The following ZKSCAN3 variants were observed in gnomAD, a reference collection of about 807,000 sequenced individuals.
The protein encoded by ZKSCAN3 is zinc finger with KRAB and SCAN domains 3.
In ZKSCAN3, 21 loss-of-function variants were observed where a neutral mutation model predicts 30.7. That is an observed-to-expected ratio of 0.68 (90% CI 0.49 to 0.99). The LOEUF is 0.99. ZKSCAN3 is among the 50% of genes least tolerant of loss of function. ZKSCAN3 has a pLI of 0.00. For synonymous variants in ZKSCAN3, 201 were observed against 246.7 expected, an observed-to-expected ratio of 0.81 and a Z score of 1.73; for missense variants, 507 against 647.1, an observed-to-expected ratio of 0.78 and a Z score of 2.35.
intron 3 of ZKSCAN3, among the ~76,000 whole-genome samples, chr6:28,362,347 A>G (rs892585531): frequency 1.3e-5 from 2 of 152,234 alleles, no homozygotes; most frequent in East Asian, 1.9e-4. Context: ...TTATAGGACT[A>G]TTGCAAATTA....
chr6:28,359,980 G>A lies in ZKSCAN3; in HGVS notation c.394G>A (p.Ala132Thr), dbSNP rs751640380. 6 of 1,614,182 alleles carry A rather than the reference G, an allele frequency of 3.7e-6. No individual in the cohort carries two copies. Among genetic ancestry groups the A allele is most frequent in the Admixed American group, 1.7e-5 (1 of 60,030 alleles). The change falls in exon 2 of 6, where the codon GCG (alanine) becomes ACG (threonine). Residue 132 changes from alanine (A) to threonine (T), a missense_variant. Physicochemically the swap from Ala to Thr is moderately conservative, Grantham distance 58. Coordinates refer to ENST00000252211, the MANE Select transcript of ZKSCAN3 (RefSeq NM_024493.4). ...TTTGGAGAGGCAGCTGGATGAGCCG[G>A]CGCCGCAGGTAGAAAGAACAGGTTT... The part of the protein sequence containing the change: ...EYLERQLDEP[A>T]PQVSGVDQGQ...
chr6:28,353,972 G>C (rs1765241601), intron 1 of ZKSCAN3: 1 of 454,742 alleles, frequency 2.2e-6, no homozygotes, highest in African/African-American at 2.0e-5. Context: ...GGTAAAATAT[G>C]ATTTTATTCA....
At chr6:28,363,449 C>A in intron 4 of ZKSCAN3, 64 bp downstream of exon 4, 1 of 1,491,040 alleles carries the variant, frequency 6.7e-7, no homozygotes, top group Non-Finnish European at 9.3e-7. Context: ...TGTGAAGACT[C>A]CTCACTCCCC....
chr6:28,350,280 C>T (rs1473348145), intron 1 of ZKSCAN3: 7 of 152,216 alleles, frequency 4.6e-5, no homozygotes, highest in African/African-American at 1.4e-4. Flanking sequence ...AGGGCCGTTA[C>T]CGAGTGTCCG....
intron 3 of ZKSCAN3, 43 bp from the exon 4 acceptor site, chr6:28,363,260 G>T (rs1159667677): frequency 7.7e-6 from 12 of 1,562,596 alleles, no homozygotes; most frequent in Non-Finnish European, 8.8e-6. Context: ...CAGGGAGGCT[G>T]AATGCCAGGG....
intron 2 of ZKSCAN3, among the ~76,000 whole-genome samples, chr6:28,360,877 G>A (rs544239649): frequency 3.9e-5 from 6 of 152,270 alleles, no homozygotes; most frequent in Middle Eastern, 3.4e-3. Flanking sequence ...CATACATATC[G>A]TATGCCAGGC....
intron 1 of ZKSCAN3, among the ~76,000 whole-genome samples, chr6:28,358,751 G>A (rs1765584710): frequency 6.6e-6 from 1 of 152,034 alleles, no homozygotes; most frequent in Non-Finnish European, 1.5e-5. Flanking sequence ...GGGCATGGTG[G>A]TGCACACCTA....
chr6:28,360,564 G>C (rs1246597641), intron 2 of ZKSCAN3: 6 of 985,400 alleles, frequency 6.1e-6, no homozygotes, highest in Non-Finnish European at 7.2e-6. Context: ...GGTAGAAAAT[G>C]GGCCGACTTT....
At chr6:28,357,881 T>C (rs1206979346) in intron 1 of ZKSCAN3, among the ~76,000 whole-genome samples, 1 of 152,230 alleles carries the variant, frequency 6.6e-6, no homozygotes, top group Non-Finnish European at 1.5e-5. Flanking sequence ...TTCTTTCAGC[T>C]GAATTTTAAT....
At chr6:28,355,234 T>C (rs749374146) in intron 1 of ZKSCAN3, 3 of 152,208 alleles carry the variant, frequency 2.0e-5, no homozygotes, top group Non-Finnish European at 2.9e-5. Context: ...CATACTTTGC[T>C]GTTCCAAGTA....
chr6:28,363,413 A>G (rs769876783), intron 4 of ZKSCAN3, 28 bp downstream of exon 4: 23 of 1,599,146 alleles, frequency 1.4e-5, no homozygotes, highest in African/African-American at 2.7e-5. Flanking sequence ...CCCTCCCCCA[A>G]TGCCCCTCAC....
intron 1 of ZKSCAN3, among the ~76,000 whole-genome samples, chr6:28,355,057 G>C (rs1408082230): frequency 1.3e-5 from 2 of 152,192 alleles, no homozygotes; most frequent in African/African-American, 4.8e-5. Context: ...TAGCACCCTG[G>C]CTAGACCTAT....
intron 1 of ZKSCAN3, chr6:28,355,721 A>T (rs1765378907): frequency 6.6e-6 from 1 of 152,188 alleles, no homozygotes; most frequent in Non-Finnish European, 1.5e-5. Flanking sequence ...TAAGATCATG[A>T]CATATGTTGG....
At chr6:28,359,466 G>A (rs1448673864) in intron 1 of ZKSCAN3, 59 bp from the exon 2 acceptor site, 2 of 1,273,714 alleles carry the variant, frequency 1.6e-6, no homozygotes, top group Non-Finnish European at 2.1e-6. Flanking sequence ...GGGCTCCTGG[G>A]CAGGAGAGAA....
At position 28,368,049 on chromosome 6, in the gene ZKSCAN3, G is replaced by A. The variant is rs1437196297; in HGVS notation, c.*1764G>A. On this transcript the variant is annotated 3_prime_UTR_variant, in exon 6 of 6. Transcript: ENST00000252211. ...TTTCCCTCCCCCCACCCCACAACAG[G>A]CCCCAGTGTGTGATGTTCCCCTTCC... 3.5e-5 allele frequency: 4 copies of A among 114,986 alleles called. No homozygotes were observed. Among genetic ancestry groups the A allele is most frequent in the African/African-American group, 1.4e-4 (4 of 28,714 alleles). 7.1% of individuals were successfully genotyped at this position (114,986 alleles called of 1,614,324 possible). A position where few individuals can be genotyped will look rare whatever the true frequency, so the allele number is the denominator to read the frequency against.
chr6:28,361,516 C>G (rs770928486), intron 3 of ZKSCAN3, 45 bp downstream of exon 3: 55 of 1,562,018 alleles, frequency 3.5e-5, no homozygotes, highest in Admixed American at 1.4e-4. Flanking sequence ...AGACTTCATC[C>G]AATTTCATTT....
rs892664373 is a variant in ZKSCAN3 at position 28,368,423 on chromosome 6, C to T, written c.*2138C>T. The T allele has an allele frequency of 1.3e-5, 2 of 152,148 alleles. No individual in the cohort carries two copies. Among genetic ancestry groups the T allele is most frequent in the Non-Finnish European group, 2.9e-5 (2 of 68,034 alleles). 9.4% of individuals were successfully genotyped at this position (152,148 alleles called of 1,614,324 possible). A position where few individuals can be genotyped will look rare whatever the true frequency, so the allele number is the denominator to read the frequency against. Reference sequence around the variant, plus strand: ...GGTTTGAACCATTAATTTAATTCCTCAGGCTATCTACTTTTTTGTTAAACA... The same window carrying T: ...GGTTTGAACCATTAATTTAATTCCTTAGGCTATCTACTTTTTTGTTAAACA... On this transcript the variant is annotated 3_prime_UTR_variant, in exon 6 of 6. Coordinates refer to ENST00000252211, the MANE Select transcript of ZKSCAN3 (RefSeq NM_024493.4).
Position 28,366,125 on chromosome 6 carries a change from A to G in ZKSCAN3, c.1457A>G (p.Glu486Gly), listed in dbSNP as rs1765954722. The G allele has an allele frequency of 6.2e-7, 1 of 1,610,028 alleles. No individual in the cohort carries two copies. The highest frequency in any genetic ancestry group is 8.5e-7 in the Non-Finnish European group (1 of 1,178,614). ...ATGTCTTATAAATGTAATGAGTGTG[A>G]AAGAAGTTTCACTCAGAATACAGGC... ...TPMSYKCNECERSFTQNTGLI... is the reference protein window; with the variant it reads ...TPMSYKCNECGRSFTQNTGLI... The change falls in exon 6 of 6, where the codon GAA becomes GGA. Residue 486 changes from glutamate to glycine, a missense_variant. Physicochemically the swap from Glu to Gly is moderately conservative, Grantham distance 98. Coordinates refer to ENST00000252211, the MANE Select transcript of ZKSCAN3 (RefSeq NM_024493.4).
rs971285843 is a variant in ZKSCAN3, at chr6:28,356,917, C to T, written c.-62-2608C>T. On this transcript the variant is annotated intron_variant, in intron 1 of 5. Coordinates refer to ENST00000252211, the MANE Select transcript of ZKSCAN3 (RefSeq NM_024493.4). ...CTGAAGACCCACTCACCTCATCTTG[C>T]TCACTATGCCAAATGTCAGGTTAGA... is the stretch of plus-strand genomic sequence containing the variant. Among the ~76,000 whole-genome samples the T allele has an allele frequency of 4.6e-5, 7 of 152,242 alleles. No individual in the cohort carries two copies. The East Asian group carries it at 9.6e-4, about 21-fold the overall frequency.
Sources: gnomAD v4.1 joint callset for allele counts (sites outside exome capture counted in the v4.1 genomes callset) on GRCh38, gnomAD v4.1.1 for gene constraint, MANE v1.5 for transcripts, NCBI Gene and HGNC (gene_info 2026-07-23, HGNC 2026-07-21) for gene names.